TPD52L1: variants seen among roughly 807,000 people sequenced by gnomAD.
The protein encoded by TPD52L1 is TPD52 like 1, also known as tumor protein D53.
Under a neutral mutation model 28.7 loss-of-function variants are expected in TPD52L1, and 18 were observed. The ratio of observed to expected loss-of-function variants is 0.63; its 90% CI spans 0.43 to 0.93. TPD52L1 has a LOEUF of 0.93. Among genes scored for constraint, TPD52L1 ranks in the 40% least tolerant of loss-of-function variants. The pLI, the probability that TPD52L1 is intolerant of heterozygous loss-of-function variation, is 0.00. For missense variants in TPD52L1, 203 were observed against 254.8 expected (o/e 0.80, Z 1.39); for synonymous variants, 75 against 88.8 (o/e 0.84, Z 0.88).
chr6:125,252,056 G>C (rs1211454769), intron 4 of TPD52L1: 3 of 1,536,014 alleles, frequency 2.0e-6, no homozygotes, highest in South Asian at 1.2e-5. Context: ...ACAGGGCTGC[G>C]TGTGGGGCTT....
At chr6:125,154,479 C>T in intron 1 of TPD52L1, 2 of 985,804 alleles carry the variant, frequency 2.0e-6, no homozygotes, top group Non-Finnish European at 2.4e-6. Flanking sequence ...CGGGGACCCG[C>T]CTTCCGAGGC....
At chr6:125,259,826 T>C (rs1197844506) in intron 6 of TPD52L1, 1 of 152,208 alleles carries the variant, frequency 6.6e-6, no homozygotes, top group African/African-American at 2.4e-5. Context: ...GATTATAATT[T>C]GGGGGACAAA....
chr6:125,214,236 TCTC>T (rs1794708111), intron 1 of TPD52L1, among the ~76,000 whole-genome samples: 1 of 152,076 alleles, frequency 6.6e-6, no homozygotes, highest in African/African-American at 2.4e-5. Flanking sequence ...CCTTAGGTCA[TCTC>T]CTGGGCACAG....
intron 1 of TPD52L1, among the ~76,000 whole-genome samples, chr6:125,216,721 G>A (rs1225537456): frequency 2.0e-5 from 3 of 151,798 alleles, no homozygotes; most frequent in African/African-American, 7.3e-5. Context: ...TTATGAAAAA[G>A]GAAATTACTT....
chr6:125,248,580 T>C, intron 4 of TPD52L1, 197 bp downstream of exon 4: 1 of 538,932 alleles, frequency 1.9e-6, no homozygotes, highest in East Asian at 3.0e-5. Context: ...CAGGCTTAGG[T>C]GGCCTGGTCC....
chr6:125,202,683 T>A (rs1793869581), intron 1 of TPD52L1, among the ~76,000 whole-genome samples: 1 of 152,082 alleles, frequency 6.6e-6, no homozygotes, highest in Non-Finnish European at 1.5e-5. Context: ...GGAGTTTTCT[T>A]ATAATATAAT....
intron 2 of TPD52L1, chr6:125,222,101 C>G (rs1199588033): frequency 6.6e-6 from 1 of 152,226 alleles, no homozygotes; most frequent in Non-Finnish European, 1.5e-5. Flanking sequence ...AACAGCTTTC[C>G]TTACTCTTTT....
At chr6:125,245,924 A>G (rs1055317229) in intron 3 of TPD52L1, among the ~76,000 whole-genome samples, 2 of 152,204 alleles carry the variant, frequency 1.3e-5, no homozygotes, top group African/African-American at 4.8e-5. Context: ...TCATATCTGC[A>G]GCAGTTTCCA....
intron 1 of TPD52L1, among the ~76,000 whole-genome samples, chr6:125,209,877 C>T (rs1485728164): frequency 6.6e-6 from 1 of 152,110 alleles, no homozygotes; most frequent in African/African-American, 2.4e-5. Flanking sequence ...CAGATTGGGG[C>T]AACAAATAAT....
At chr6:125,184,864 C>G (rs573505830) in intron 1 of TPD52L1, among the ~76,000 whole-genome samples, 1 of 151,830 alleles carries the variant, frequency 6.6e-6, no homozygotes, top group Admixed American at 6.5e-5. Flanking sequence ...GAAAAAAAAT[C>G]AAGTGCACCA....
At chr6:125,238,545 C>T (rs1255225527) in intron 3 of TPD52L1, among the ~76,000 whole-genome samples, 1 of 151,884 alleles carries the variant, frequency 6.6e-6, no homozygotes, top group Non-Finnish European at 1.5e-5. Flanking sequence ...TCCATTATAT[C>T]GTTCTTATGC....
At chr6:125,167,974 C>A (rs1217925074) in intron 1 of TPD52L1, among the ~76,000 whole-genome samples, 1 of 152,108 alleles carries the variant, frequency 6.6e-6, no homozygotes, top group African/African-American at 2.4e-5. Context: ...ATATTTGCCA[C>A]CTCAAATTAA....
intron 1 of TPD52L1, among the ~76,000 whole-genome samples, chr6:125,169,897 T>C (rs1236797061): frequency 1.3e-5 from 2 of 152,154 alleles, no homozygotes; most frequent in Non-Finnish European, 1.5e-5. Context: ...TCCTCTTTTA[T>C]TTCCTGGACC....
chr6:125,167,259 A>G (rs1375338922), intron 1 of TPD52L1, among the ~76,000 whole-genome samples: 1 of 152,078 alleles, frequency 6.6e-6, no homozygotes, highest in Non-Finnish European at 1.5e-5. Flanking sequence ...AACACAAATA[A>G]AACAAAAAAC....
chr6:125,158,762 C>T (rs1168212799), intron 1 of TPD52L1, among the ~76,000 whole-genome samples: 1 of 152,152 alleles, frequency 6.6e-6, no homozygotes, highest in African/African-American at 2.4e-5. Flanking sequence ...CTTATACAGG[C>T]ATACCTTGGA....
intron 2 of TPD52L1, among the ~76,000 whole-genome samples, chr6:125,223,852 G>A (rs1311994693): frequency 6.6e-6 from 1 of 151,944 alleles, no homozygotes; most frequent in Admixed American, 6.6e-5. Flanking sequence ...AGTGGTTCAT[G>A]CATAGAAGGA....
chr6:125,192,815 C>T, intron 1 of TPD52L1, among the ~76,000 whole-genome samples: 1 of 152,176 alleles, frequency 6.6e-6, no homozygotes, highest in Non-Finnish European at 1.5e-5. Flanking sequence ...ACCTGACTTG[C>T]ACATATACCT....
At chr6:125,175,547 A>G (rs2114801115) in intron 1 of TPD52L1, among the ~76,000 whole-genome samples, 1 of 152,292 alleles carries the variant, frequency 6.6e-6, no homozygotes, top group South Asian at 2.1e-4. Flanking sequence ...ACCCTTCTTA[A>G]GAAAGAGAGG....
chr6:125,188,669 A>G (rs974238962), intron 1 of TPD52L1, among the ~76,000 whole-genome samples: 1 of 152,098 alleles, frequency 6.6e-6, no homozygotes, highest in Non-Finnish European at 1.5e-5. Flanking sequence ...ATTTTATCTC[A>G]TTTAAAAAAT....
Sources: gnomAD v4.1 joint callset for allele counts (sites outside exome capture counted in the v4.1 genomes callset) on GRCh38, gnomAD v4.1.1 for gene constraint, MANE v1.5 for transcripts, NCBI Gene and HGNC (gene_info 2026-07-23, HGNC 2026-07-21) for gene names.